Variants in MYO16 observed in about 807,000 individuals in gnomAD.
MYO16 encodes myosin XVI, also known as unconventional myosin-XVI.
A neutral mutation model predicts 205.3 loss-of-function variants in MYO16; 94 were observed. The ratio of observed to expected loss-of-function variants is 0.46; its 90% CI spans 0.39 to 0.54. MYO16 has a LOEUF of 0.54. Among genes scored for constraint, MYO16 ranks in the 20% least tolerant of loss-of-function variants. The pLI, the probability that MYO16 is intolerant of heterozygous loss-of-function variation, is 0.00. For synonymous variants in MYO16, 988 were observed against 954.0 expected, an observed-to-expected ratio of 1.04 and a Z score of -0.66; for missense variants, 2,315 against 2,387.5, an observed-to-expected ratio of 0.97 and a Z score of 0.63.
intron 16 of MYO16, among the ~76,000 whole-genome samples, chr13:108,941,953 A>T (rs1054425788): frequency 6.6e-6 from 1 of 152,204 alleles, no homozygotes; most frequent in African/African-American, 2.4e-5. Context: ...TGTTTTGTTT[A>T]ATTGACTTTG....
At chr13:108,648,147 G>C (rs1880836440) in intron 1 of MYO16, among the ~76,000 whole-genome samples, 1 of 152,160 alleles carries the variant, frequency 6.6e-6, no homozygotes, top group Non-Finnish European at 1.5e-5. Flanking sequence ...ATATTAAAAA[G>C]AGTACAGTGC....
chr13:108,525,389 A>G, the MYO16 span, among the ~76,000 whole-genome samples: 2 of 152,184 alleles, frequency 1.3e-5, no homozygotes, highest in Non-Finnish European at 2.9e-5. Flanking sequence ...TTCCCTAAGC[A>G]TTGTGAGTGC....
At chr13:109,158,130 G>A (rs1046784659) in intron 32 of MYO16, among the ~76,000 whole-genome samples, 4 of 152,090 alleles carry the variant, frequency 2.6e-5, no homozygotes, top group Non-Finnish European at 5.9e-5. Context: ...GTTCCCCAGA[G>A]TGGCCACTGC....
the MYO16 span, among the ~76,000 whole-genome samples, chr13:108,560,866 G>A: frequency 1.3e-5 from 2 of 152,070 alleles, no homozygotes; most frequent in East Asian, 3.8e-4. Context: ...CCTATGGTTA[G>A]GCTTTACAAA....
Position 108,781,750 on chromosome 13 carries a change from G to A in MYO16, c.508-3885G>A, listed in dbSNP as rs182184872. 8.3e-4 allele frequency among the ~76,000 whole-genome samples: 126 copies of A among 152,304 alleles called. 1 individual carries two copies. Among genetic ancestry groups the A allele is most frequent in the African/African-American group, 3.0e-3 (123 of 41,568 alleles). On this transcript the variant is annotated intron_variant, in intron 4 of 34. Transcript: ENST00000457511. ...ACTTCTTGTGGGAGGGACCCAGGGGGAGGTAATTGAATCCTGGGGGCCGGT... is the reference window on the plus strand; with the variant it reads ...ACTTCTTGTGGGAGGGACCCAGGGGAAGGTAATTGAATCCTGGGGGCCGGT...
intron 34 of MYO16, among the ~76,000 whole-genome samples, chr13:109,181,074 G>A (rs1264010753): frequency 4.6e-5 from 7 of 152,198 alleles, no homozygotes; most frequent in African/African-American, 1.4e-4. Flanking sequence ...TTTGAAAGAC[G>A]GTGTATATAG....
chr13:108,764,324 G>A (rs1248121540), intron 4 of MYO16, among the ~76,000 whole-genome samples: 4 of 152,176 alleles, frequency 2.6e-5, no homozygotes, highest in Admixed American at 2.6e-4. Flanking sequence ...GACACATTGA[G>A]AGACAGAAAA....
intron 28 of MYO16, among the ~76,000 whole-genome samples, chr13:109,115,242 CAAAAAAAAAAAAAAA>C (rs61441934): frequency 6.9e-5 from 4 of 58,028 alleles, no homozygotes; most frequent in African/African-American, 3.1e-4. Flanking sequence ...CTACACCTCT[CAAAAAAAAAAAAAAA>C]AAAAAAAAAA....
At chr13:109,186,240 T>C (rs1879681919) in intron 34 of MYO16, among the ~76,000 whole-genome samples, 1 of 152,106 alleles carries the variant, frequency 6.6e-6, no homozygotes, top group Admixed American at 6.6e-5. Flanking sequence ...CGACACATAC[T>C]TAGTGCAAAA....
chr13:108,657,287 C>G (rs11839181), intron 1 of MYO16, among the ~76,000 whole-genome samples: 2,709 of 152,144 alleles, frequency 0.018, 47 homozygotes, highest in Non-Finnish European at 0.031. Flanking sequence ...TTCTGTTCCA[C>G]TGGTCTAAGT....
chr13:108,509,029 G>A, the MYO16 span, among the ~76,000 whole-genome samples: 1 of 152,146 alleles, frequency 6.6e-6, no homozygotes, highest in Non-Finnish European at 1.5e-5. Context: ...AACTGAGTAA[G>A]GTGAGAAACG....
chr13:109,173,763 T>C (rs1052003880), intron 33 of MYO16, among the ~76,000 whole-genome samples: 17 of 150,746 alleles, frequency 1.1e-4, no homozygotes, highest in African/African-American at 4.1e-4. Flanking sequence ...GGCGTGGTGG[T>C]GGGCGCCTGT....
intron 15 of MYO16, among the ~76,000 whole-genome samples, chr13:108,907,319 T>C (rs1385768592): frequency 1.3e-5 from 2 of 152,174 alleles, no homozygotes; most frequent in Non-Finnish European, 2.9e-5. Flanking sequence ...AACGCATATA[T>C]GAATATATGG....
chr13:108,540,241 C>A, the MYO16 span, among the ~76,000 whole-genome samples: 1 of 151,998 alleles, frequency 6.6e-6, no homozygotes, highest in African/African-American at 2.4e-5. Flanking sequence ...ATGCCATGAG[C>A]AATGTAAATG....
At chr13:108,575,971 A>C in the MYO16 span, among the ~76,000 whole-genome samples, 1 of 152,068 alleles carries the variant, frequency 6.6e-6, no homozygotes, top group Non-Finnish European at 1.5e-5. Context: ...AATGTTTAAT[A>C]CCAAATCTAG....
At chr13:108,825,571 T>C (rs888724330) in intron 9 of MYO16, among the ~76,000 whole-genome samples, 8 of 118,062 alleles carry the variant, frequency 6.8e-5, no homozygotes, top group African/African-American at 6.0e-5. Context: ...TTGAGCAACC[T>C]AGCAAGAAAA....
chr13:109,048,454 G>A lies in MYO16; in HGVS notation c.2872+1463G>A, dbSNP rs1368302007. 5.1e-6 allele frequency: 3 copies of A among 584,016 alleles called. No individual in the cohort carries two copies. The African/African-American group carries it at 5.6e-5, about 11-fold the overall frequency. 36.2% of individuals were successfully genotyped at this position (584,016 alleles called of 1,614,324 possible). ...CTAGAGAATAAATATTTTAGACCTT[G>A]TGCACCATAAGATCCTTGTTGCAGT... On this transcript the variant is annotated intron_variant, in intron 24 of 34. Transcript: ENST00000457511.
intron 33 of MYO16, among the ~76,000 whole-genome samples, chr13:109,167,471 C>G (rs1163318335): frequency 6.6e-6 from 1 of 151,980 alleles, no homozygotes; most frequent in East Asian, 1.9e-4. Flanking sequence ...TGAGTGGTTG[C>G]TGGAGGCTGG....
chr13:108,630,811 A>T (rs1258717110), intron 1 of MYO16, among the ~76,000 whole-genome samples: 1 of 152,252 alleles, frequency 6.6e-6, no homozygotes, highest in East Asian at 1.9e-4. Context: ...GAGACTAAAA[A>T]AATAATGATG....
Sources: allele counts gnomAD v4.1 joint callset (sites outside exome capture counted in the v4.1 genomes callset), GRCh38; gene constraint gnomAD v4.1.1; transcripts MANE v1.5; gene names NCBI Gene and HGNC (gene_info 2026-07-23, HGNC 2026-07-21).